Variants in KCTD8 observed in about 807,000 individuals in gnomAD.
KCTD8 encodes potassium channel tetramerization domain containing 8, also known as BTB/POZ domain-containing protein KCTD8.
Under a neutral mutation model 31.5 loss-of-function variants are expected in KCTD8, and 27 were observed. The ratio of observed to expected loss-of-function variants is 0.86; its 90% CI spans 0.63 to 1.18. The LOEUF (loss-of-function observed/expected upper bound fraction) is 1.18. KCTD8 is among the 50% of genes most tolerant of loss of function. KCTD8 has a pLI of 0.00. For synonymous variants in KCTD8, 290 were observed against 280.0 expected (o/e 1.04, Z -0.36); for missense variants, 658 against 647.7 (o/e 1.02, Z -0.17).
intron 1 of KCTD8, among the ~76,000 whole-genome samples, chr4:44,438,257 CAT>C (rs546896433): frequency 1.7e-3 from 259 of 152,274 alleles, no homozygotes; most frequent in African/African-American, 5.8e-3. Context: ...TGACAGCTAA[CAT>C]AGTTTTCTTA....
At chr4:44,366,946 T>C (rs1577638929) in intron 1 of KCTD8, among the ~76,000 whole-genome samples, 1 of 152,122 alleles carries the variant, frequency 6.6e-6, no homozygotes, top group African/African-American at 2.4e-5. Context: ...TGAGTTCCCA[T>C]TGCTGTTATG....
At chr4:44,204,982 A>T (rs757775146) in intron 1 of KCTD8, among the ~76,000 whole-genome samples, 1 of 152,130 alleles carries the variant, frequency 6.6e-6, no homozygotes, top group Non-Finnish European at 1.5e-5. Flanking sequence ...ATTTCAAAGA[A>T]AAGCATAAAC....
At chr4:44,300,808 T>G (rs1577602120) in intron 1 of KCTD8, among the ~76,000 whole-genome samples, 1 of 151,998 alleles carries the variant, frequency 6.6e-6, no homozygotes, top group East Asian at 1.9e-4. Context: ...GCTGGTGTGC[T>G]GCACCCATTA....
chr4:44,354,929 C>G (rs1248919898), intron 1 of KCTD8, among the ~76,000 whole-genome samples: 1 of 151,998 alleles, frequency 6.6e-6, no homozygotes, highest in Non-Finnish European at 1.5e-5. Context: ...ATGAAATGCT[C>G]TTCATTTTAA....
At chr4:44,294,127 T>C (rs1023747767) in intron 1 of KCTD8, among the ~76,000 whole-genome samples, 2 of 152,174 alleles carry the variant, frequency 1.3e-5, no homozygotes, top group African/African-American at 2.4e-5. Context: ...ATCTAAATCA[T>C]AGAAATGATT....
At chr4:44,225,557 CT>C (rs1452757164) in intron 1 of KCTD8, among the ~76,000 whole-genome samples, 12 of 151,878 alleles carry the variant, frequency 7.9e-5, no homozygotes, top group Non-Finnish European at 1.6e-4. Context: ...CACTTGATTT[CT>C]TTTTTTACTT....
intron 1 of KCTD8, among the ~76,000 whole-genome samples, chr4:44,334,930 T>C (rs927501655): frequency 1.3e-5 from 2 of 152,138 alleles, no homozygotes; most frequent in African/African-American, 2.4e-5. Flanking sequence ...CAACATTTAT[T>C]GAACACTCAC....
intron 1 of KCTD8, among the ~76,000 whole-genome samples, chr4:44,294,926 A>T (rs1717384915): frequency 6.6e-6 from 1 of 152,164 alleles, no homozygotes; most frequent in African/African-American, 2.4e-5. Flanking sequence ...AGGTGAATTC[A>T]GTTAAAACAC....
At chr4:44,225,083 T>C (rs537392810) in intron 1 of KCTD8, among the ~76,000 whole-genome samples, 442 of 152,318 alleles carry the variant, frequency 2.9e-3, no homozygotes, top group Non-Finnish European at 5.4e-3. Flanking sequence ...GCATGACTCT[T>C]TGACGGGCAG....
At chr4:44,437,086 T>G (rs1407454103) in intron 1 of KCTD8, among the ~76,000 whole-genome samples, 1 of 150,750 alleles carries the variant, frequency 6.6e-6, no homozygotes, top group African/African-American at 2.4e-5. Flanking sequence ...CCAAAGAAAC[T>G]TCAAGATTGG....
Position 44,448,735 on chromosome 4 carries a change from C to T in KCTD8, c.-212G>A, listed in dbSNP as rs571359888. ...GGAGGAGAGACGCGCGAGAGAGGAG[C>T]TCCGCCGGTGCGGCGGCGGCAATGG... On this transcript the variant is annotated 5_prime_UTR_variant, in exon 1 of 2. Coordinates refer to ENST00000360029, the MANE Select transcript of KCTD8 (RefSeq NM_198353.3). The surrounding 1 kb of genome is among the most constrained non-coding windows in gnomAD (Gnocchi z 4.1). The T allele has an allele frequency of 2.6e-6, 1 of 391,778 alleles. No individual in the cohort carries two copies. The highest frequency in any genetic ancestry group is 4.4e-6 in the Non-Finnish European group (1 of 227,426). The allele number at this position is 391,778 out of a possible 1,614,324, so 24.3% of individuals were successfully genotyped here.
chr4:44,444,840 A>T lies in KCTD8; in HGVS notation c.961+2723T>A, dbSNP rs562607948. On this transcript the variant is annotated intron_variant, in intron 1 of 1. Coordinates refer to ENST00000360029, the MANE Select transcript of KCTD8 (RefSeq NM_198353.3). ...TTGATGCTCAAGTGTGTAAACTACA[A>T]CAGTTTCAACTACTAAGTTCACATG... Among the ~76,000 whole-genome samples, 183 of 152,290 alleles carry T rather than the reference A, an allele frequency of 1.2e-3. 1 individual carries two copies. Among genetic ancestry groups the T allele is most frequent in the African/African-American group, 4.0e-3 (165 of 41,562 alleles).
intron 1 of KCTD8, among the ~76,000 whole-genome samples, chr4:44,297,976 C>A (rs1717485601): frequency 6.6e-6 from 1 of 152,142 alleles, no homozygotes; most frequent in Non-Finnish European, 1.5e-5. Flanking sequence ...ATTGCTGCAT[C>A]TATTTTTGAG....
At chr4:44,426,886 A>G (rs1721363282) in intron 1 of KCTD8, among the ~76,000 whole-genome samples, 1 of 151,746 alleles carries the variant, frequency 6.6e-6, no homozygotes, top group Admixed American at 6.6e-5. Flanking sequence ...TTATAAGCCT[A>G]TTCAATTATG....
rs1716502170 is a variant in KCTD8, at chr4:44,269,397, G to T, written c.962-94147C>A. ...CTTATACAAAAATTAATTCAAGATG[G>T]ATTAAAGACTTAAATGTTAGACCTA... On this transcript the variant is annotated intron_variant, in intron 1 of 1. Coordinates refer to ENST00000360029, the MANE Select transcript of KCTD8 (RefSeq NM_198353.3). Among the ~76,000 whole-genome samples, 5 of 151,462 alleles carry T rather than the reference G, an allele frequency of 3.3e-5. No individual in the cohort carries two copies. In the South Asian group the frequency reaches 1.0e-3, roughly 31 times the overall value.
chr4:44,316,346 G>T (rs1188022177), intron 1 of KCTD8, among the ~76,000 whole-genome samples: 3 of 151,552 alleles, frequency 2.0e-5, no homozygotes, highest in Admixed American at 6.6e-5. Context: ...TATTGTTAAG[G>T]TTTCTTTTGT....
intron 1 of KCTD8, among the ~76,000 whole-genome samples, chr4:44,195,857 A>T (rs1274951973): frequency 2.0e-5 from 3 of 152,230 alleles, no homozygotes; most frequent in Admixed American, 2.0e-4. Context: ...ATGCTGGTTA[A>T]TTCTATTGGA....
chr4:44,245,501 TG>T (rs1228988542), intron 1 of KCTD8, among the ~76,000 whole-genome samples: 2 of 152,242 alleles, frequency 1.3e-5, no homozygotes, highest in African/African-American at 4.8e-5. Context: ...TATGTGTTTT[TG>T]CTTTTATAGT....
At chr4:44,338,040 A>G (rs2109416735) in intron 1 of KCTD8, among the ~76,000 whole-genome samples, 1 of 152,214 alleles carries the variant, frequency 6.6e-6, no homozygotes, top group African/African-American at 2.4e-5. Flanking sequence ...AGTCTGTTTA[A>G]TGAGAAAAAA....
Sources: allele counts gnomAD v4.1 joint callset (sites outside exome capture counted in the v4.1 genomes callset), GRCh38; gene constraint gnomAD v4.1.1; non-coding constraint Gnocchi (gnomAD v3.1); transcripts MANE v1.5; gene names NCBI Gene and HGNC (gene_info 2026-07-23, HGNC 2026-07-21).